The following USP24 variants were observed in gnomAD, a reference collection of about 807,000 sequenced individuals.
USP24 encodes the protein ubiquitin specific peptidase 24.
A neutral mutation model predicts 361.6 loss-of-function variants in USP24; 97 were observed. That is an observed-to-expected ratio of 0.27 (90% CI 0.23 to 0.32). USP24 has a LOEUF of 0.32. USP24 is among the 10% of genes least tolerant of loss of function. The probability of loss-of-function intolerance (pLI) is 1.00; values close to 1 mark genes in which losing one functional copy is unlikely to be tolerated. For missense variants in USP24, 2,353 were observed against 3,165.6 expected, an observed-to-expected ratio of 0.74 and a Z score of 6.16; for synonymous variants, 1,098 against 1,124.6, an observed-to-expected ratio of 0.98 and a Z score of 0.47.
chr1:55,130,921 C>T (rs962584723), intron 31 of USP24, among the ~76,000 whole-genome samples: 1 of 152,016 alleles, frequency 6.6e-6, no homozygotes, highest in African/African-American at 2.4e-5. Flanking sequence ...TAAAGCAAAA[C>T]AAAAAATATC....
chr1:55,158,563 C>A (rs139003571), intron 10 of USP24, among the ~76,000 whole-genome samples: 3,235 of 152,216 alleles, frequency 0.021, 60 homozygotes, highest in Non-Finnish European at 0.028. Context: ...TAAACTTACA[C>A]CTGAAATAAA....
At position 55,129,505 on chromosome 1, in the gene USP24, C is replaced by T. The variant is rs377648968; in HGVS notation, c.3607G>A (p.Glu1203Lys). 31 of 1,613,720 alleles carry T rather than the reference C, an allele frequency of 1.9e-5. No individual in the cohort carries two copies. Among genetic ancestry groups the T allele is most frequent in the Non-Finnish European group, 2.5e-5 (30 of 1,179,824 alleles). The change falls in exon 32 of 68, where the codon GAA becomes AAA. Residue 1203 changes from glutamate (E) to lysine (K), a missense_variant. Transcript: ENST00000294383. ...AAACCGCCAGCTTTGAGGAAGTTTT[C>T]ACAGAAGGATTTGGCACAGCTTCTG... ...MARSCAKSFCENFLKAGGLSL... is the reference protein window; with the variant it reads ...MARSCAKSFCKNFLKAGGLSL...
intron 54 of USP24, among the ~76,000 whole-genome samples, chr1:55,090,767 ACC>A (rs1645356110): frequency 6.6e-6 from 1 of 152,216 alleles, no homozygotes; most frequent in Admixed American, 6.5e-5. Flanking sequence ...ATGTGCAGGC[ACC>A]TTACCAGGTG....
intron 1 of USP24, among the ~76,000 whole-genome samples, chr1:55,208,675 C>A (rs115921842): frequency 0.011 from 1,658 of 151,538 alleles, 32 homozygotes; most frequent in African/African-American, 0.038. Context: ...CGGTGGTTCA[C>A]GGCTGTAATC....
At chr1:55,145,237 C>T (rs2100704280) in intron 20 of USP24, among the ~76,000 whole-genome samples, 1 of 152,190 alleles carries the variant, frequency 6.6e-6, no homozygotes, top group Non-Finnish European at 1.5e-5. Context: ...CCGTAACACC[C>T]AAAAAGTGGC....
chr1:55,106,089 C>T, intron 41 of USP24, 57 bp downstream of exon 41: 4 of 1,350,072 alleles, frequency 3.0e-6, no homozygotes, highest in Non-Finnish European at 4.2e-6. Context: ...TCTTTTGGGA[C>T]TGAAGTTTCA....
At position 55,214,845 on chromosome 1, in the gene USP24, C is replaced by G; in HGVS notation, c.269G>C (p.Gly90Ala). 4 of 1,223,606 alleles carry G rather than the reference C, an allele frequency of 3.3e-6. No individual in the cohort carries two copies. The highest frequency in any genetic ancestry group is 4.1e-6 in the Non-Finnish European group (4 of 974,818). The allele number at this position is 1,223,606 out of a possible 1,614,324, so 75.8% of individuals were successfully genotyped here. Residue 90 changes from glycine to alanine, a missense_variant, in exon 1 of 68, where the codon GGA (glycine) becomes GCA (alanine). Coordinates refer to ENST00000294383, the MANE Select transcript of USP24 (RefSeq NM_015306.3). ...CGGGGGGTCGAAGCCGCCCCCGCCT[C>G]CGGTGCTCCCGCCGCGGGAGGGGCC... is the stretch of plus-strand genomic sequence containing the variant. ...GGGPSRGGSTGGGGGFDPPPA... is the reference protein window; with the variant it reads ...GGGPSRGGSTAGGGGFDPPPA...
At chr1:55,199,853 A>C (rs1279330558) in intron 1 of USP24, among the ~76,000 whole-genome samples, 1 of 152,218 alleles carries the variant, frequency 6.6e-6, no homozygotes, top group Non-Finnish European at 1.5e-5. Context: ...TTGCAAAAGA[A>C]GGAGGTTTAA....
chr1:55,166,675 T>C (rs1648899483), intron 5 of USP24, 72 bp from the exon 6 acceptor site: 3 of 1,351,722 alleles, frequency 2.2e-6, no homozygotes, highest in East Asian at 2.5e-5. Flanking sequence ...ATTTCTTTTA[T>C]CCTAAATGAA....
chr1:55,165,859 T>G, intron 7 of USP24, 26 bp downstream of exon 7: 1 of 1,551,680 alleles, frequency 6.4e-7, no homozygotes, highest in Non-Finnish European at 8.7e-7. Flanking sequence ...ATTTCCACAG[T>G]GAGCATATAC....
In USP24 at chr1:55,158,928, G is replaced by T. The variant is rs767806028; in HGVS notation, c.1177C>A (p.Arg393Ser). 3 of 1,586,704 alleles carry T rather than the reference G, an allele frequency of 1.9e-6. No individual in the cohort carries two copies. The Admixed American group carries it at 5.2e-5, about 28-fold the overall frequency. ...CTGAAATGTGGTGATTTCAGCATGC[G>T]CAATAGAATATCTAGTCGAAGGTCA... is the stretch of plus-strand genomic sequence containing the variant. Reference protein sequence around the residue: ...VDDLRLDILLRMLKSPHFSAK... With the variant: ...VDDLRLDILLSMLKSPHFSAK... The change falls in exon 10 of 68, where the codon CGC becomes AGC. Residue 393 changes from arginine (R) to serine (S), a missense_variant. Arg to Ser is a moderately radical substitution (Grantham distance 110). Transcript: ENST00000294383.
At chr1:55,081,205 C>T (rs1645142095) in intron 59 of USP24, 117 bp downstream of exon 59, 3 of 1,023,128 alleles carry the variant, frequency 2.9e-6, no homozygotes, top group Non-Finnish European at 4.3e-6. Context: ...TTTAAGTGCA[C>T]CTCAACTAGC....
At chr1:55,193,786 TATC>T (rs1302947978) in intron 1 of USP24, among the ~76,000 whole-genome samples, 1 of 152,172 alleles carries the variant, frequency 6.6e-6, no homozygotes, top group Non-Finnish European at 1.5e-5. Context: ...AGGTAAGAGT[TATC>T]ATCCTCATTT....
chr1:55,187,127 C>T (rs1644154311), intron 1 of USP24, among the ~76,000 whole-genome samples: 1 of 151,854 alleles, frequency 6.6e-6, no homozygotes, highest in Non-Finnish European at 1.5e-5. Context: ...AACAAACAAA[C>T]AAAAAACCAA....
intron 19 of USP24, 100 bp from the exon 20 acceptor site, chr1:55,146,209 GTTTA>G: frequency 5.3e-6 from 4 of 758,406 alleles, no homozygotes; most frequent in Non-Finnish European, 8.4e-6. Context: ...TACTTCAAAT[GTTTA>G]TACTGTCAAA....
At chr1:55,110,554 G>GTATC (rs1487574187) in intron 38 of USP24, among the ~76,000 whole-genome samples, 2 of 152,070 alleles carry the variant, frequency 1.3e-5, no homozygotes, top group African/African-American at 4.8e-5. Context: ...ATTTCAACCA[G>GTATC]TATCTACTAA....
At chr1:55,184,081 G>T (rs1214725975) in intron 1 of USP24, among the ~76,000 whole-genome samples, 1 of 152,116 alleles carries the variant, frequency 6.6e-6, no homozygotes, top group African/African-American at 2.4e-5. Context: ...TTTTGAGACA[G>T]GGTCTGGCTC....
At position 55,159,793 on chromosome 1, in the gene USP24, T is replaced by C; in HGVS notation, c.994-108A>G. 5.6e-6 allele frequency: 6 copies of C among 1,066,220 alleles called. No homozygotes were observed. The South Asian group carries it at 9.6e-5, about 17-fold the overall frequency. 66.0% of individuals were successfully genotyped at this position (1,066,220 alleles called of 1,614,324 possible). ...CAAAGGAGAAGGTGCAATGAAAAGA[T>C]AAAAATTTTCATATCAGAGCAGCTA... On this transcript the variant is annotated intron_variant, in intron 8 of 67. Coordinates refer to ENST00000294383, the MANE Select transcript of USP24 (RefSeq NM_015306.3).
At chr1:55,179,932 C>T (rs955705483) in intron 1 of USP24, among the ~76,000 whole-genome samples, 4 of 152,198 alleles carry the variant, frequency 2.6e-5, no homozygotes, top group African/African-American at 7.2e-5. Context: ...ACTAATCTGA[C>T]GTTAACCTTA....
Sources: gnomAD v4.1 joint callset for allele counts (sites outside exome capture counted in the v4.1 genomes callset) on GRCh38, gnomAD v4.1.1 for gene constraint, MANE v1.5 for transcripts, NCBI Gene and HGNC (gene_info 2026-07-23, HGNC 2026-07-21) for gene names.